Variants in ARHGAP8 observed in about 807,000 individuals in gnomAD.
The protein encoded by ARHGAP8 is Rho GTPase activating protein 8.
Under a neutral mutation model 46.1 loss-of-function variants are expected in ARHGAP8, and 62 were observed. That is an observed-to-expected ratio of 1.34 (90% CI 1.10 to 1.66). ARHGAP8 has a LOEUF of 1.66. ARHGAP8 is among the 40% of genes most tolerant of loss of function. The pLI is 0.00. For missense variants in ARHGAP8, 923 were observed against 568.4 expected, an observed-to-expected ratio of 1.62 and a Z score of -6.34; for synonymous variants, 375 against 243.1, an observed-to-expected ratio of 1.54 and a Z score of -5.05.
chr22:44,856,729 A>G (rs1250011532), intron 10 of ARHGAP8, among the ~76,000 whole-genome samples: 4 of 143,560 alleles, frequency 2.8e-5, no homozygotes, highest in South Asian at 4.3e-4. Flanking sequence ...CCCAAGAGAC[A>G]GAGACAAAGG....
At chr22:44,780,937 C>G (rs1926800331) in intron 1 of ARHGAP8, among the ~76,000 whole-genome samples, 1 of 152,156 alleles carries the variant, frequency 6.6e-6, no homozygotes, top group Non-Finnish European at 1.5e-5. Flanking sequence ...CTCAGAGGCA[C>G]TGAAGAGCAT....
intron 4 of ARHGAP8, among the ~76,000 whole-genome samples, chr22:44,812,378 G>A (rs1276830961): frequency 7.4e-6 from 1 of 134,574 alleles, no homozygotes; most frequent in East Asian, 2.4e-4. Context: ...TTTTTTTTGA[G>A]ACGGAGTCTT....
intron 1 of ARHGAP8, among the ~76,000 whole-genome samples, chr22:44,763,225 G>A (rs1287951914): frequency 6.6e-6 from 1 of 152,042 alleles, no homozygotes; most frequent in African/African-American, 2.4e-5. Context: ...GGCTGGGTGT[G>A]GTGGCTCACA....
intron 1 of ARHGAP8, among the ~76,000 whole-genome samples, chr22:44,767,534 G>T (rs1258715637): frequency 6.6e-6 from 1 of 151,966 alleles, no homozygotes; most frequent in Non-Finnish European, 1.5e-5. Flanking sequence ...TCCCGCAGTT[G>T]TCCCCAGAAT....
At chr22:44,775,725 T>C (rs1425382953) in intron 1 of ARHGAP8, among the ~76,000 whole-genome samples, 1 of 152,144 alleles carries the variant, frequency 6.6e-6, no homozygotes, top group East Asian at 1.9e-4. Context: ...GCTAAGATTA[T>C]AGGTGTGAGC....
At chr22:44,835,904 C>G (rs1211726632) in intron 7 of ARHGAP8, among the ~76,000 whole-genome samples, 1 of 148,630 alleles carries the variant, frequency 6.7e-6, no homozygotes, top group African/African-American at 2.4e-5. Flanking sequence ...TCTTCGGTCT[C>G]CTGTACCATG....
At chr22:44,859,309 A>ACAG (rs1192450067) in intron 10 of ARHGAP8, among the ~76,000 whole-genome samples, 43 of 152,104 alleles carry the variant, frequency 2.8e-4, no homozygotes, top group South Asian at 4.2e-4. Flanking sequence ...TGTCCTCGAG[A>ACAG]TAGTGAGTTC....
At chr22:44,760,900 G>T (rs1192057749) in intron 1 of ARHGAP8, among the ~76,000 whole-genome samples, 3 of 152,178 alleles carry the variant, frequency 2.0e-5, no homozygotes, top group African/African-American at 4.8e-5. Flanking sequence ...GGATCCGAGA[G>T]AAAGGGCTTG....
intron 5 of ARHGAP8, among the ~76,000 whole-genome samples, chr22:44,821,960 G>A (rs565618664): frequency 2.0e-5 from 3 of 152,130 alleles, no homozygotes; most frequent in African/African-American, 4.8e-5. Context: ...CCAAAACCGC[G>A]AGCAACTGAG....
intron 7 of ARHGAP8, among the ~76,000 whole-genome samples, chr22:44,841,005 A>T (rs1159028981): frequency 6.6e-6 from 1 of 151,996 alleles, no homozygotes; most frequent in African/African-American, 2.4e-5. Context: ...TGGCCCCAAA[A>T]CTTGGCTCTG....
At chr22:44,837,295 G>T (rs573486193) in intron 7 of ARHGAP8, among the ~76,000 whole-genome samples, 1 of 152,318 alleles carries the variant, frequency 6.6e-6, no homozygotes, top group African/African-American at 2.4e-5. Flanking sequence ...CGAGGGGAGG[G>T]GTACAAGCAA....
At chr22:44,791,334 G>A (rs1394643312) in intron 2 of ARHGAP8, among the ~76,000 whole-genome samples, 1 of 152,156 alleles carries the variant, frequency 6.6e-6, no homozygotes, top group Non-Finnish European at 1.5e-5. Flanking sequence ...AGACTTCCTT[G>A]GGAGATGATG....
intron 9 of ARHGAP8, 66 bp from the exon 10 acceptor site, chr22:44,848,866 C>G: frequency 1.2e-6 from 2 of 1,600,608 alleles, no homozygotes; most frequent in Admixed American, 1.7e-5. Flanking sequence ...TGTCTCAGAG[C>G]TCGTTCTGCA....
chr22:44,820,994 C>T (rs1313742512), intron 5 of ARHGAP8, among the ~76,000 whole-genome samples: 1 of 152,150 alleles, frequency 6.6e-6, no homozygotes, highest in African/African-American at 2.4e-5. Flanking sequence ...ATTTTGATTT[C>T]ACAAAATAAA....
intron 1 of ARHGAP8, among the ~76,000 whole-genome samples, chr22:44,782,073 G>A (rs1278673936): frequency 2.0e-5 from 3 of 152,080 alleles, no homozygotes; most frequent in Non-Finnish European, 4.4e-5. Flanking sequence ...GGTGGCTCAC[G>A]CCTATAATCC....
At chr22:44,759,214 G>C (rs1441450542) in intron 1 of ARHGAP8, among the ~76,000 whole-genome samples, 1 of 152,204 alleles carries the variant, frequency 6.6e-6, no homozygotes, top group South Asian at 2.1e-4. Context: ...CCAGCCCCGG[G>C]TTGGCTGAGT....
At chr22:44,772,344 TC>T (rs1438561384) in intron 1 of ARHGAP8, among the ~76,000 whole-genome samples, 2 of 107,956 alleles carry the variant, frequency 1.9e-5, no homozygotes, top group African/African-American at 3.6e-5. Flanking sequence ...TTTTGTATTT[TC>T]TTTTTTCTTT....
intron 2 of ARHGAP8, among the ~76,000 whole-genome samples, chr22:44,791,746 C>T (rs1330694390): frequency 6.6e-6 from 1 of 152,074 alleles, no homozygotes; most frequent in East Asian, 1.9e-4. Context: ...TCTTGAGAAA[C>T]TTAACCATAT....
At chr22:44,780,533 GC>G (rs1248429444) in intron 1 of ARHGAP8, among the ~76,000 whole-genome samples, 1 of 148,524 alleles carries the variant, frequency 6.7e-6, no homozygotes, top group Admixed American at 6.7e-5. Context: ...ATGGTGGCGG[GC>G]GCCTGTAGTC....
Sources: allele counts gnomAD v4.1 joint callset (sites outside exome capture counted in the v4.1 genomes callset), GRCh38; gene constraint gnomAD v4.1.1; transcripts MANE v1.5; gene names NCBI Gene and HGNC (gene_info 2026-07-23, HGNC 2026-07-21).